The following PIRT variants were observed in gnomAD, a reference collection of about 807,000 sequenced individuals.
The protein encoded by PIRT is phosphoinositide interacting regulator of transient receptor potential channels.
PIRT carries 6 observed loss-of-function variants against 7.9 expected under a neutral mutation model. That is an observed-to-expected ratio of 0.76 (90% CI 0.42 to 1.51). The LOEUF is 1.51. Ranked by LOEUF, PIRT falls within the 40% of genes most tolerant of loss-of-function variation. The pLI is 0.01. For synonymous variants in PIRT, 78 were observed against 71.8 expected, an observed-to-expected ratio of 1.09 and a Z score of -0.44; for missense variants, 170 against 172.9, an observed-to-expected ratio of 0.98 and a Z score of 0.09.
chr17:10,837,698 C>G (rs1294207501), intron 1 of PIRT, among the ~76,000 whole-genome samples: 1 of 152,176 alleles, frequency 6.6e-6, no homozygotes, highest in African/African-American at 2.4e-5. Context: ...TCCCTTCTTC[C>G]CAGTACACAG....
intron 1 of PIRT, among the ~76,000 whole-genome samples, chr17:10,830,244 G>A (rs541440725): frequency 1.3e-5 from 2 of 152,178 alleles, no homozygotes; most frequent in African/African-American, 2.4e-5. Context: ...TCTATAAACA[G>A]AAGCAGGCAG....
At chr17:10,834,280 CA>C (rs1905531171) in intron 1 of PIRT, among the ~76,000 whole-genome samples, 1 of 152,142 alleles carries the variant, frequency 6.6e-6, no homozygotes, top group Admixed American at 6.5e-5. Flanking sequence ...TGTTACTAAG[CA>C]GTAGAAAGGA....
At position 10,824,010 on chromosome 17, in the gene PIRT, T is replaced by C. The variant is rs1025841953; in HGVS notation, c.*1222A>G. ...CAATGCCATTCTTTCCCCTCTTTGG[T>C]AACTCTTATCTTTCCTTTTGTTTTT... On this transcript the variant is annotated 3_prime_UTR_variant, in exon 2 of 2. Coordinates refer to ENST00000580256, the MANE Select transcript of PIRT (RefSeq NM_001101387.2). 6.6e-6 allele frequency: 1 copy of C among 152,312 alleles called. No individual in the cohort carries two copies. The highest frequency in any genetic ancestry group is 2.4e-5 in the African/African-American group (1 of 41,464). The allele number at this position is 152,312 out of a possible 1,614,324, so 9.4% of individuals were successfully genotyped here.
chr17:10,834,269 A>G (rs937530844), intron 1 of PIRT, among the ~76,000 whole-genome samples: 1 of 152,224 alleles, frequency 6.6e-6, no homozygotes, highest in Non-Finnish European at 1.5e-5. Context: ...ACACAATGGA[A>G]TGTTACTAAG....
chr17:10,836,091 C>T (rs534449233), intron 1 of PIRT, among the ~76,000 whole-genome samples: 19 of 152,172 alleles, frequency 1.2e-4, no homozygotes, highest in Non-Finnish European at 2.2e-4. Flanking sequence ...TTAGTAGAGA[C>T]GGGATTTTGC....
At chr17:10,834,835 C>T (rs571903826) in intron 1 of PIRT, among the ~76,000 whole-genome samples, 1 of 151,940 alleles carries the variant, frequency 6.6e-6, no homozygotes, top group African/African-American at 2.4e-5. Flanking sequence ...CATGATCTGC[C>T]TGCCTTGGCC....
At chr17:10,836,625 T>C (rs1192157561) in intron 1 of PIRT, among the ~76,000 whole-genome samples, 3 of 152,232 alleles carry the variant, frequency 2.0e-5, no homozygotes, top group Non-Finnish European at 4.4e-5. Flanking sequence ...CCTGGAGTTA[T>C]CTGGCCCTTC....
chr17:10,830,677 G>A (rs1448035207), intron 1 of PIRT, among the ~76,000 whole-genome samples: 1 of 152,204 alleles, frequency 6.6e-6, no homozygotes, highest in Non-Finnish European at 1.5e-5. Context: ...TATAGGTAAT[G>A]AATCAGCTTG....
rs1328956953 is a variant in PIRT, at chr17:10,825,735, C to T, written c.-90G>A. 3.1e-6 allele frequency: 4 copies of T among 1,297,554 alleles called. No individual in the cohort carries two copies. The highest frequency in any genetic ancestry group is 3.0e-5 in the African/African-American group (2 of 66,834). The allele number at this position is 1,297,554 out of a possible 1,614,324, so 80.4% of individuals were successfully genotyped here. On this transcript the variant is annotated 5_prime_UTR_variant, in exon 2 of 2. It removes an upstream start codon present in the reference 5' UTR. Transcript: ENST00000580256. ...CCTCACACACCCTTCCTGTACTCAG[C>T]ATCCATCTCTAGCCCCGCTCTCAGT... is the stretch of plus-strand genomic sequence containing the variant.
At chr17:10,827,712 T>C (rs2151533990) in intron 1 of PIRT, among the ~76,000 whole-genome samples, 2 of 152,114 alleles carry the variant, frequency 1.3e-5, no homozygotes, top group South Asian at 4.2e-4. Context: ...TGACCTCAGG[T>C]GATCCACCCT....
At position 10,825,709 on chromosome 17, in the gene PIRT, T is replaced by G; in HGVS notation, c.-64A>C. 7.0e-7 allele frequency: 1 copy of G among 1,427,818 alleles called. No homozygotes were observed. The highest frequency in any genetic ancestry group is 9.2e-7 in the Non-Finnish European group (1 of 1,082,764). 88.4% of individuals were successfully genotyped at this position (1,427,818 alleles called of 1,614,324 possible). A position where few individuals can be genotyped will look rare whatever the true frequency, so the allele number is the denominator to read the frequency against. On this transcript the variant is annotated 5_prime_UTR_variant, in exon 2 of 2. Coordinates refer to ENST00000580256, the MANE Select transcript of PIRT (RefSeq NM_001101387.2). ...GGAAACAAGAGTGGAGCCAAAGGAA[T>G]CCTCACACACCCTTCCTGTACTCAG...
chr17:10,834,879 T>G (rs1231907431), intron 1 of PIRT, among the ~76,000 whole-genome samples: 1 of 150,788 alleles, frequency 6.6e-6, no homozygotes, highest in Non-Finnish European at 1.5e-5. Context: ...CGTGAGCCAC[T>G]GCGCCCAGCG....
rs1905293783 is a variant in PIRT at position 10,825,554 on chromosome 17, A to G, written c.92T>C (p.Leu31Pro). 2 of 1,605,282 alleles carry G rather than the reference A, an allele frequency of 1.2e-6. No homozygotes were observed. Among genetic ancestry groups the G allele is most frequent in the Non-Finnish European group, 1.7e-6 (2 of 1,175,508 alleles). ...AGACTCGCTCCTGGAGCTGATGCACAGGGAGCTGGCGGTCTGGCTGGGCAG... is the reference window on the plus strand; with the variant it reads ...AGACTCGCTCCTGGAGCTGATGCACGGGGAGCTGGCGGTCTGGCTGGGCAG... ...DLLPSQTASS[L>P]CISSRSESVW... The change falls in exon 2 of 2, where the codon CTG becomes CCG. Residue 31 changes from leucine (L) to proline (P), a missense_variant. Physicochemically the swap from Leu to Pro is moderately conservative, Grantham distance 98. Transcript: ENST00000580256.
At chr17:10,831,553 G>C (rs1270879340) in intron 1 of PIRT, among the ~76,000 whole-genome samples, 1 of 152,148 alleles carries the variant, frequency 6.6e-6, no homozygotes, top group Non-Finnish European at 1.5e-5. Flanking sequence ...GTTGCTCGAG[G>C]CTGGGAGAGA....
At chr17:10,837,222 TGACAG>T (rs1159599533) in intron 1 of PIRT, among the ~76,000 whole-genome samples, 3 of 152,158 alleles carry the variant, frequency 2.0e-5, no homozygotes, top group African/African-American at 7.2e-5. Flanking sequence ...CCCTGGCCAG[TGACAG>T]GGTAGAAAAA....
intron 1 of PIRT, among the ~76,000 whole-genome samples, chr17:10,832,189 G>A (rs562053615): frequency 6.2e-4 from 93 of 150,978 alleles, no homozygotes; most frequent in African/African-American, 2.2e-3. Flanking sequence ...TGCTGGCAAC[G>A]TTCTGATTCT....
chr17:10,836,960 G>A (rs1485799276), intron 1 of PIRT, among the ~76,000 whole-genome samples: 5 of 152,148 alleles, frequency 3.3e-5, no homozygotes, highest in East Asian at 1.9e-4. Context: ...CTTCTCTGGC[G>A]GTGCTGTCTT....
intron 1 of PIRT, among the ~76,000 whole-genome samples, chr17:10,827,470 T>G (rs112289710): frequency 8.9e-6 from 1 of 112,616 alleles, no homozygotes. Context: ...CTTTTCTTTT[T>G]TTTTTTTTTT....
chr17:10,825,316 C>T lies in PIRT; in HGVS notation c.330G>A (p.Trp110Ter), dbSNP rs1254696273. 30 of 1,613,914 alleles carry T rather than the reference C, an allele frequency of 1.9e-5. No homozygotes were observed. Among genetic ancestry groups the T allele is most frequent in the Non-Finnish European group, 2.5e-5 (30 of 1,179,888 alleles). Residue 110 changes from tryptophan (W) to a stop codon, truncating the protein, a stop_gained, in exon 2 of 2, where the codon TGG (tryptophan) becomes TGA (stop). Coordinates refer to ENST00000580256, the MANE Select transcript of PIRT (RefSeq NM_001101387.2). LOFTEE classifies it high-confidence loss of function. ...TCTGTTTCTTTTTGATGATGGGCACCCACACCAGCCCGCACACCAGCATCA... is the reference window on the plus strand; with the variant it reads ...TCTGTTTCTTTTTGATGATGGGCACTCACACCAGCCCGCACACCAGCATCA... ...GLMMLVCGLVWVPIIKKKQKH... is the reference protein window; with the variant it reads ...GLMMLVCGLV
Sources: gnomAD v4.1 joint callset for allele counts (sites outside exome capture counted in the v4.1 genomes callset) on GRCh38, gnomAD v4.1.1 for gene constraint, MANE v1.5 for transcripts, NCBI Gene and HGNC (gene_info 2026-07-23, HGNC 2026-07-21) for gene names.